Variants in ACYP2 observed in about 807,000 individuals in gnomAD.
The protein encoded by ACYP2 is acylphosphatase 2, also known as acylphosphatase-2.
In ACYP2, 12 loss-of-function variants were observed where a neutral mutation model predicts 11.2. The observed-to-expected ratio is 1.08, with a 90% CI of 0.69 to 1.74. The LOEUF (loss-of-function observed/expected upper bound fraction) is 1.74. Among genes scored for constraint, ACYP2 ranks in the 40% most tolerant of loss-of-function variants. The pLI is 0.00. For missense variants in ACYP2, 134 were observed against 101.9 expected, an observed-to-expected ratio of 1.31 and a Z score of -1.35; for synonymous variants, 43 against 32.2, an observed-to-expected ratio of 1.33 and a Z score of -1.13.
At chr2:54,123,922 A>G (rs2103747738) in intron 4 of ACYP2, among the ~76,000 whole-genome samples, 1 of 152,314 alleles carries the variant, frequency 6.6e-6, no homozygotes, top group Non-Finnish European at 1.5e-5. Context: ...GGAAACATCA[A>G]CTGGCACATT....
chr2:54,173,444 C>T (rs13383434), intron 6 of ACYP2, among the ~76,000 whole-genome samples: 1,976 of 152,026 alleles, frequency 0.013, 54 homozygotes, highest in African/African-American at 0.046. Flanking sequence ...GGATATTAGC[C>T]CTTTGTCAGA....
intron 3 of ACYP2, chr2:54,051,360 C>T: frequency 1.3e-6 from 1 of 759,718 alleles, no homozygotes; most frequent in African/African-American, 1.7e-5. Flanking sequence ...GGTGGAAGAC[C>T]ATGTCTGCTA....
chr2:54,135,541 G>C, intron 5 of ACYP2, 72 bp downstream of exon 2: 1 of 1,357,266 alleles, frequency 7.4e-7, no homozygotes, highest in South Asian at 1.3e-5. Flanking sequence ...AGATAGGGCA[G>C]TTTTCTACTT....
At chr2:54,120,243 C>G (rs1019780233) in intron 4 of ACYP2, among the ~76,000 whole-genome samples, 26 of 152,208 alleles carry the variant, frequency 1.7e-4, no homozygotes, top group Admixed American at 1.7e-3. Context: ...TCCCCATCAA[C>G]TTCCCTTGCA....
intron 2 of ACYP2, among the ~76,000 whole-genome samples, chr2:54,036,197 C>T (rs186432879): frequency 7.9e-5 from 12 of 152,136 alleles, no homozygotes; most frequent in Admixed American, 6.6e-5. Flanking sequence ...CGGGTTCAAG[C>T]GATTCTCCTG....
chr2:54,278,248 G>C (rs1014796032), intron 6 of ACYP2, among the ~76,000 whole-genome samples: 1 of 152,194 alleles, frequency 6.6e-6, no homozygotes, highest in African/African-American at 2.4e-5. Flanking sequence ...AAATTGCTGG[G>C]ATTACAGGCG....
intron 6 of ACYP2, among the ~76,000 whole-genome samples, chr2:54,139,240 C>T (rs779725803): frequency 1.3e-5 from 2 of 152,156 alleles, no homozygotes; most frequent in African/African-American, 4.8e-5. Flanking sequence ...GTGACAGATG[C>T]GTAGTGCCTT....
chr2:54,063,707 A>G (rs1274053407), intron 4 of ACYP2, among the ~76,000 whole-genome samples: 1 of 152,220 alleles, frequency 6.6e-6, no homozygotes, highest in Non-Finnish European at 1.5e-5. Context: ...CTAGTTCAGA[A>G]TGTTTCACTA....
chr2:54,272,449 C>G (rs1457616710), intron 6 of ACYP2, among the ~76,000 whole-genome samples: 1 of 105,918 alleles, frequency 9.4e-6, no homozygotes, highest in South Asian at 2.6e-4. Flanking sequence ...CTTCCTGTTT[C>G]TAGGTCATAG....
chr2:54,303,641 C>A (rs542032083), intron 6 of ACYP2, among the ~76,000 whole-genome samples: 3 of 152,326 alleles, frequency 2.0e-5, no homozygotes, highest in Admixed American at 2.0e-4. Flanking sequence ...CAATTTGAAT[C>A]ATTGGAATTC....
intron 6 of ACYP2, among the ~76,000 whole-genome samples, chr2:54,170,772 C>G (rs780498237): frequency 1.3e-5 from 2 of 152,082 alleles, no homozygotes; most frequent in Non-Finnish European, 2.9e-5. Context: ...ATGCTTTATA[C>G]TTTTGGTCTC....
chr2:54,181,794 G>A (rs1011302379), intron 6 of ACYP2, among the ~76,000 whole-genome samples: 2 of 152,058 alleles, frequency 1.3e-5, no homozygotes, highest in Non-Finnish European at 2.9e-5. Flanking sequence ...GACTCACAAA[G>A]CCATTTCTGT....
chr2:54,027,837 C>CTTTCTTTCT (rs772573473), intron 2 of ACYP2, among the ~76,000 whole-genome samples: 21 of 97,892 alleles, frequency 2.1e-4, no homozygotes, highest in African/African-American at 7.9e-4. Context: ...TTCTTTCTTT[C>CTTTCTTTCT]TTTTTTTTTT....
chr2:54,233,909 A>G (rs1686355746), intron 6 of ACYP2, among the ~76,000 whole-genome samples: 1 of 152,194 alleles, frequency 6.6e-6, no homozygotes, highest in African/African-American at 2.4e-5. Context: ...TTTATAAGTG[A>G]CAATGTCAGC....
chr2:54,195,771 A>G (rs1558603484), intron 6 of ACYP2, among the ~76,000 whole-genome samples: 2 of 137,646 alleles, frequency 1.5e-5, no homozygotes, highest in Non-Finnish European at 3.1e-5. Flanking sequence ...TTAGAGGGGT[A>G]CATTGTCATC....
In ACYP2 at chr2:54,150,856, C is replaced by G. The variant is rs535852773; in HGVS notation, c.404+12108C>G. Among the ~76,000 whole-genome samples, 316 of 151,962 alleles carry G rather than the reference C, an allele frequency of 2.1e-3. 3 individuals are homozygous for G. Among genetic ancestry groups the G allele is most frequent in the African/African-American group, 7.2e-3 (297 of 41,420 alleles). ...TCCCGGGTTCATACCATTCTCCTGC[C>G]TCAGCCTCCCGAGTAGCTGGGACTA... On this transcript the variant is annotated intron_variant, in intron 6 of 6. Coordinates refer to ENST00000607452, the MANE Select transcript of ACYP2 (RefSeq NM_001320586.2).
intron 6 of ACYP2, among the ~76,000 whole-genome samples, chr2:54,222,258 T>C (rs905789724): frequency 1.3e-5 from 2 of 151,844 alleles, no homozygotes; most frequent in African/African-American, 4.8e-5. Context: ...AGGAGAAAAA[T>C]AGAATTACAG....
chr2:54,209,379 C>G (rs1201230366), intron 6 of ACYP2, among the ~76,000 whole-genome samples: 2 of 152,078 alleles, frequency 1.3e-5, no homozygotes, highest in Non-Finnish European at 1.5e-5. Context: ...AGAATTGTTT[C>G]TTATTCAGAG....
intron 6 of ACYP2, among the ~76,000 whole-genome samples, chr2:54,207,171 ATATG>A (rs1685107717): frequency 1.8e-4 from 12 of 68,466 alleles, no homozygotes; most frequent in African/African-American, 4.8e-4. Flanking sequence ...TACAACATGT[ATATG>A]TGTGTGTGTG....
Sources: gnomAD v4.1 joint callset for allele counts (sites outside exome capture counted in the v4.1 genomes callset) on GRCh38, gnomAD v4.1.1 for gene constraint, MANE v1.5 for transcripts, NCBI Gene and HGNC (gene_info 2026-07-23, HGNC 2026-07-21) for gene names.